The following ITPR1 variants were observed in gnomAD, a reference collection of about 807,000 sequenced individuals.
ITPR1 encodes the protein inositol 1,4,5-trisphosphate-gated calcium channel ITPR1.
Under a neutral mutation model 318.4 loss-of-function variants are expected in ITPR1, and 96 were observed. The observed-to-expected ratio is 0.30, with a 90% CI of 0.26 to 0.36. The LOEUF (loss-of-function observed/expected upper bound fraction) is 0.36, where lower values mean the gene tolerates loss of function less well. ITPR1 is among the 10% of genes least tolerant of loss of function. ITPR1 has a pLI of 1.00. For missense variants in ITPR1, 2,440 were observed against 3,460.2 expected (o/e 0.71, Z 7.40); for synonymous variants, 1,312 against 1,289.9 (o/e 1.02, Z -0.37).
intron 32 of ITPR1, among the ~76,000 whole-genome samples, chr3:4,692,774 G>A (rs940867066): frequency 2.6e-5 from 4 of 152,164 alleles, no homozygotes; most frequent in African/African-American, 9.7e-5. Flanking sequence ...GTTGATTGAA[G>A]AGATAAGATG....
intron 40 of ITPR1, among the ~76,000 whole-genome samples, chr3:4,725,257 C>T (rs1012324242): frequency 7.2e-5 from 11 of 152,072 alleles, no homozygotes; most frequent in African/African-American, 2.7e-4. Flanking sequence ...TGTTTTAAAG[C>T]ATCATTCCTC....
At chr3:4,670,707 C>G in intron 19 of ITPR1, 22 bp from the exon 20 acceptor site, 1 of 1,500,414 alleles carries the variant, frequency 6.7e-7, no homozygotes, top group Non-Finnish European at 9.1e-7. Flanking sequence ...AGTAACTTTT[C>G]CCTCCTCCTC....
chr3:4,834,593 C>G (rs928634695), intron 60 of ITPR1, among the ~76,000 whole-genome samples: 1 of 152,104 alleles, frequency 6.6e-6, no homozygotes, highest in African/African-American at 2.4e-5. Context: ...GTGCCCTCTT[C>G]TGAAAAATGA....
intron 4 of ITPR1, among the ~76,000 whole-genome samples, chr3:4,525,491 T>G (rs2082906353): frequency 6.6e-6 from 1 of 152,220 alleles, no homozygotes; most frequent in Non-Finnish European, 1.5e-5. Flanking sequence ...ATCTCTTGCC[T>G]CTAACTTCCT....
intron 4 of ITPR1, among the ~76,000 whole-genome samples, chr3:4,608,531 T>G (rs2125094282): frequency 6.6e-6 from 1 of 152,282 alleles, no homozygotes; most frequent in South Asian, 2.1e-4. Context: ...CCTATGGATC[T>G]CATTTGGGGC....
chr3:4,582,409 C>A (rs2089447766), intron 4 of ITPR1, among the ~76,000 whole-genome samples: 1 of 152,152 alleles, frequency 6.6e-6, no homozygotes, highest in South Asian at 2.1e-4. Flanking sequence ...TGTTAGCATG[C>A]TGTGAAGGGA....
At chr3:4,700,936 C>T (rs964308254) in intron 35 of ITPR1, among the ~76,000 whole-genome samples, 1 of 152,156 alleles carries the variant, frequency 6.6e-6, no homozygotes, top group East Asian at 1.9e-4. Context: ...CATTCACTAT[C>T]ATGAGAACAG....
At chr3:4,696,864 A>G (rs2094567491) in intron 33 of ITPR1, among the ~76,000 whole-genome samples, 1 of 152,076 alleles carries the variant, frequency 6.6e-6, no homozygotes, top group South Asian at 2.1e-4. Flanking sequence ...CTTTTTATGA[A>G]CAGAAATTCT....
chr3:4,654,351 A>G (rs578182647), intron 12 of ITPR1, among the ~76,000 whole-genome samples: 1 of 152,344 alleles, frequency 6.6e-6, no homozygotes, highest in South Asian at 2.1e-4. Flanking sequence ...GTGTGATTAG[A>G]TACTCAGCTA....
At chr3:4,525,502 C>A (rs932491315) in intron 4 of ITPR1, among the ~76,000 whole-genome samples, 10 of 152,150 alleles carry the variant, frequency 6.6e-5, no homozygotes, top group African/African-American at 2.4e-4. Context: ...CTAACTTCCT[C>A]TGTAGGAAGA....
At chr3:4,646,707 A>G (rs1232155930) in intron 10 of ITPR1, among the ~76,000 whole-genome samples, 1 of 152,202 alleles carries the variant, frequency 6.6e-6, no homozygotes, top group African/African-American at 2.4e-5. Flanking sequence ...TTGCAGGACA[A>G]AGAAGGAAAT....
At chr3:4,638,818 T>C (rs868524577) in intron 5 of ITPR1, among the ~76,000 whole-genome samples, 21 of 151,856 alleles carry the variant, frequency 1.4e-4, no homozygotes, top group Non-Finnish European at 1.5e-4. Flanking sequence ...GATTAATGTC[T>C]AACAAGAATA....
intron 4 of ITPR1, among the ~76,000 whole-genome samples, chr3:4,553,930 A>G (rs1293711446): frequency 2.7e-5 from 4 of 148,856 alleles, no homozygotes; most frequent in African/African-American, 9.9e-5. Context: ...GTTTAGAGAC[A>G]GGATTTTGCC....
chr3:4,698,803 A>G (rs2125258460), intron 34 of ITPR1, among the ~76,000 whole-genome samples: 1 of 152,344 alleles, frequency 6.6e-6, no homozygotes, highest in Non-Finnish European at 1.5e-5. Flanking sequence ...TCTTTTCAGC[A>G]TAAGCAATTT....
At chr3:4,667,316 T>G (rs923123889) in intron 17 of ITPR1, 61 bp from the exon 18 acceptor site, 15 of 1,312,872 alleles carry the variant, frequency 1.1e-5, no homozygotes, top group Non-Finnish European at 1.5e-5. Context: ...TTCTTTAGTC[T>G]ACGCTTAACC....
At chr3:4,573,992 A>G (rs932740445) in intron 4 of ITPR1, among the ~76,000 whole-genome samples, 3 of 152,222 alleles carry the variant, frequency 2.0e-5, no homozygotes, top group African/African-American at 7.2e-5. Context: ...ATGAGTGCGT[A>G]AAATAATATT....
intron 45 of ITPR1, among the ~76,000 whole-genome samples, chr3:4,768,062 AACACAC>A (rs1247626088): frequency 6.6e-6 from 1 of 152,228 alleles, no homozygotes; most frequent in Non-Finnish European, 1.5e-5. Flanking sequence ...GAGATAAAAT[AACACAC>A]ACAAAGTTCT....
intron 44 of ITPR1, among the ~76,000 whole-genome samples, chr3:4,763,794 G>A (rs934669137): frequency 6.6e-6 from 1 of 152,240 alleles, no homozygotes; most frequent in Non-Finnish European, 1.5e-5. Context: ...TGACCCTAGC[G>A]GTTGACAGCC....
intron 47 of ITPR1, 146 bp downstream of exon 47, chr3:4,775,588 T>C (rs1230197629): frequency 1.6e-6 from 1 of 636,050 alleles, no homozygotes; most frequent in Non-Finnish European, 2.8e-6. Context: ...AGTTGAGAAA[T>C]AGCCATGGTG....
Sources: gnomAD v4.1 joint callset for allele counts (sites outside exome capture counted in the v4.1 genomes callset) on GRCh38, gnomAD v4.1.1 for gene constraint, MANE v1.5 for transcripts, NCBI Gene and HGNC (gene_info 2026-07-23, HGNC 2026-07-21) for gene names.